Variants in ATP2A2 observed in about 807,000 individuals in gnomAD.
ATP2A2 encodes the protein ATPase sarcoplasmic/endoplasmic reticulum Ca2+ transporting 2.
In ATP2A2, 14 loss-of-function variants were observed where a neutral mutation model predicts 109.3. That is an observed-to-expected ratio of 0.13 (90% CI 0.08 to 0.20). The LOEUF (loss-of-function observed/expected upper bound fraction) is 0.20, where lower values mean the gene tolerates loss of function less well. ATP2A2 is among the 10% of genes least tolerant of loss of function. The pLI is 1.00. For missense variants in ATP2A2, 657 were observed against 1,321.6 expected (o/e 0.50, Z 7.80); for synonymous variants, 506 against 490.9 (o/e 1.03, Z -0.41).
intron 4 of ATP2A2, among the ~76,000 whole-genome samples, chr12:110,293,104 C>T (rs1873495951): frequency 6.6e-6 from 1 of 151,980 alleles, no homozygotes. Context: ...TGTTTTGAGA[C>T]CGACTCTCTG....
rs1052221581 is a variant in ATP2A2, at chr12:110,339,221, G to A, written c.1420-60G>A. The A allele has an allele frequency of 1.2e-6, 2 of 1,606,108 alleles. No individual in the cohort carries two copies. The highest frequency in any genetic ancestry group is 1.3e-5 in the African/African-American group (1 of 74,732). Reference sequence around the variant, plus strand: ...CATGTAATAGGTGTGCTTACTGCTTGTTAGGTAAAAAAGTTCAGAAATTGC... The same window carrying A: ...CATGTAATAGGTGTGCTTACTGCTTATTAGGTAAAAAAGTTCAGAAATTGC... On this transcript the variant is annotated intron_variant, in intron 11 of 19. Transcript: ENST00000539276. The surrounding 1 kb of genome is among the most constrained non-coding windows in gnomAD (Gnocchi z 4.4).
intron 5 of ATP2A2, among the ~76,000 whole-genome samples, chr12:110,316,786 G>T (rs746814145): frequency 2.6e-5 from 4 of 152,140 alleles, no homozygotes; most frequent in Non-Finnish European, 4.4e-5. Flanking sequence ...GAGAAGAAAG[G>T]GTATGTGAAG....
chr12:110,296,415 T>C (rs1271729406), intron 4 of ATP2A2, 184 bp from the exon 5 acceptor site: 2 of 808,218 alleles, frequency 2.5e-6, no homozygotes, highest in African/African-American at 3.5e-5. Flanking sequence ...TAACGTTTCG[T>C]TTTTAATACA....
chr12:110,334,937 A>C (rs1878697406), intron 11 of ATP2A2, among the ~76,000 whole-genome samples: 1 of 152,112 alleles, frequency 6.6e-6, no homozygotes, highest in East Asian at 1.9e-4. Context: ...CCAAATACCA[A>C]AGGTCAATGT....
At chr12:110,335,674 A>C (rs1592854548) in intron 11 of ATP2A2, among the ~76,000 whole-genome samples, 1 of 152,254 alleles carries the variant, frequency 6.6e-6, no homozygotes, top group Non-Finnish European at 1.5e-5. Context: ...GTGGGTGCCA[A>C]GGACAGGTGG....
intron 1 of ATP2A2, among the ~76,000 whole-genome samples, chr12:110,282,119 C>A (rs1438429996): frequency 6.6e-6 from 1 of 152,194 alleles, no homozygotes; most frequent in Non-Finnish European, 1.5e-5. Flanking sequence ...GGCCCTCGAC[C>A]TTTTCGGCGC....
chr12:110,281,974 G>T, intron 1 of ATP2A2, 67 bp downstream of exon 1: 1 of 1,318,146 alleles, frequency 7.6e-7, no homozygotes, highest in Non-Finnish European at 1.0e-6. Context: ...ATGGCTGACC[G>T]GGCTCCACCT....
intron 8 of ATP2A2, chr12:110,329,663 C>A (rs1483490686): frequency 6.6e-6 from 1 of 152,070 alleles, no homozygotes; most frequent in East Asian, 1.9e-4. Context: ...AGTGATCCAC[C>A]CGCTTTTGAA....
Position 110,281,654 on chromosome 12 carries a change from A to C in ATP2A2, c.-136A>C. On this transcript the variant is annotated 5_prime_UTR_variant, in exon 1 of 20. Coordinates refer to ENST00000539276, the MANE Select transcript of ATP2A2 (RefSeq NM_170665.4). ...GTGATTCAGCGCCCGGCGAGGCGGAAGCGGCCGCAAGAGGAGGAGGGGAGA... is the reference window on the plus strand; with the variant it reads ...GTGATTCAGCGCCCGGCGAGGCGGACGCGGCCGCAAGAGGAGGAGGGGAGA... 196 of 413,608 alleles carry C rather than the reference A, an allele frequency of 4.7e-4. No individual in the cohort carries two copies. The highest frequency in any genetic ancestry group is 5.3e-4 in the East Asian group (11 of 20,760). The allele number at this position is 413,608 out of a possible 1,614,324, so 25.6% of individuals were successfully genotyped here.
intron 18 of ATP2A2, 121 bp downstream of exon 18, chr12:110,345,503 A>C: frequency 6.9e-7 from 1 of 1,448,556 alleles, no homozygotes; most frequent in Non-Finnish European, 9.6e-7. Flanking sequence ...AAAAGAAAGG[A>C]GAACAGGCAA....
chr12:110,297,391 G>A (rs977416097), intron 5 of ATP2A2, among the ~76,000 whole-genome samples: 11 of 141,676 alleles, frequency 7.8e-5, no homozygotes, highest in Admixed American at 4.5e-4. Flanking sequence ...AGCTGAGATC[G>A]CACCACTGCA....
chr12:110,293,852 G>GTATATATATATATATATATATA (rs1243133325), intron 4 of ATP2A2, among the ~76,000 whole-genome samples: 2 of 122,868 alleles, frequency 1.6e-5, no homozygotes, highest in Admixed American at 8.0e-5. Flanking sequence ...GTGTGTGTGT[G>GTATATATATATATATATATATA]TGTGTGTGTG....
chr12:110,349,457 A>C lies in ATP2A2; in HGVS notation c.*2987A>C. On this transcript the variant is annotated 3_prime_UTR_variant, in exon 20 of 20. Transcript: ENST00000539276. ...AGCTTTGCCCAGAAGACCAACAATC[A>C]TACATACCCTAACTGGGACACCACT... is the stretch of plus-strand genomic sequence containing the variant. 4 of 985,478 alleles carry C rather than the reference A, an allele frequency of 4.1e-6. No individual in the cohort carries two copies. The highest frequency in any genetic ancestry group is 4.8e-6 in the Non-Finnish European group (4 of 829,976). The allele number at this position is 985,478 out of a possible 1,614,324, so 61.0% of individuals were successfully genotyped here. A position where few individuals can be genotyped will look rare whatever the true frequency, so the allele number is the denominator to read the frequency against.
At chr12:110,325,455 C>T (rs1877691201) in intron 6 of ATP2A2, among the ~76,000 whole-genome samples, 3 of 151,474 alleles carry the variant, frequency 2.0e-5, no homozygotes, top group African/African-American at 7.3e-5. Flanking sequence ...GCCAACATAG[C>T]AAAACCTGTC....
chr12:110,288,702 G>T (rs544076227), intron 3 of ATP2A2, among the ~76,000 whole-genome samples: 1 of 152,208 alleles, frequency 6.6e-6, no homozygotes, highest in African/African-American at 2.4e-5. Flanking sequence ...ACTGCTCCTG[G>T]CTTGAAACAG....
intron 8 of ATP2A2, chr12:110,331,292 G>A (rs926055115): frequency 1.3e-5 from 2 of 151,784 alleles, no homozygotes; most frequent in East Asian, 3.9e-4. Flanking sequence ...TTTCCTTATT[G>A]AATGTGAGAT....
At chr12:110,336,013 C>G (rs145561963) in intron 11 of ATP2A2, among the ~76,000 whole-genome samples, 1 of 152,216 alleles carries the variant, frequency 6.6e-6, no homozygotes, top group Admixed American at 6.5e-5. Flanking sequence ...CCACATGGTC[C>G]TCTAATAGGT....
chr12:110,293,287 C>T (rs1430416365), intron 4 of ATP2A2, among the ~76,000 whole-genome samples: 1 of 150,710 alleles, frequency 6.6e-6, no homozygotes, highest in Non-Finnish European at 1.5e-5. Flanking sequence ...TCAGGCTGGT[C>T]TCAAACCCCT....
chr12:110,293,819 CATAT>C (rs201974120), intron 4 of ATP2A2, among the ~76,000 whole-genome samples: 5 of 126,422 alleles, frequency 4.0e-5, no homozygotes, highest in African/African-American at 6.8e-5. Flanking sequence ...GTAATTGTGC[CATAT>C]ATATGTGTGT....
Sources: allele counts gnomAD v4.1 joint callset (sites outside exome capture counted in the v4.1 genomes callset), GRCh38; gene constraint gnomAD v4.1.1; non-coding constraint Gnocchi (gnomAD v3.1); transcripts MANE v1.5; gene names NCBI Gene and HGNC (gene_info 2026-07-23, HGNC 2026-07-21).